PRDM16: variants seen among roughly 807,000 people sequenced by gnomAD.
PRDM16 encodes histone-lysine N-methyltransferase PRDM16.
In PRDM16, 23 loss-of-function variants were observed where a neutral mutation model predicts 110.6. The observed-to-expected ratio is 0.21, with a 90% CI of 0.15 to 0.29. PRDM16 has a LOEUF of 0.29. Ranked by LOEUF, PRDM16 falls within the 10% of genes least tolerant of loss-of-function variation. PRDM16 has a pLI of 1.00. For synonymous variants in PRDM16, 799 were observed against 781.8 expected (o/e 1.02, Z -0.37); for missense variants, 1,615 against 1,794.3 (o/e 0.90, Z 1.81).
chr1:3,431,670 T>A (rs1044976947), intron 15 of PRDM16, among the ~76,000 whole-genome samples: 3 of 152,194 alleles, frequency 2.0e-5, no homozygotes, highest in African/African-American at 7.2e-5. Context: ...CCTGGGGTCT[T>A]AGAGAATTGA....
At chr1:3,406,568 A>C (rs1000498486) in intron 8 of PRDM16, among the ~76,000 whole-genome samples, 10 of 143,974 alleles carry the variant, frequency 6.9e-5, no homozygotes, top group Non-Finnish European at 1.1e-4. Flanking sequence ...CATTTCTACC[A>C]AAAAAAAAAA....
chr1:3,181,072 CCG>C (rs1644155428), intron 1 of PRDM16, among the ~76,000 whole-genome samples: 1 of 45,590 alleles, frequency 2.2e-5, no homozygotes, highest in African/African-American at 5.3e-5. Flanking sequence ...TCTTACACAC[CCG>C]GTCTTACACA....
chr1:3,087,793 T>C (rs2981881), intron 1 of PRDM16, among the ~76,000 whole-genome samples: 43,725 of 152,022 alleles, frequency 0.29, 6,572 homozygotes, highest in Middle Eastern at 0.35. Context: ...TCTTCTTTTT[T>C]TCACCACCTT....
At chr1:3,287,519 G>A (rs1161682313) in intron 3 of PRDM16, among the ~76,000 whole-genome samples, 7 of 68,592 alleles carry the variant, frequency 1.0e-4, no homozygotes, top group East Asian at 4.5e-4. Context: ...CGCCACGCGG[G>A]CATCCAGGAT....
chr1:3,214,515 G>A (rs1638975710), intron 2 of PRDM16, among the ~76,000 whole-genome samples: 3 of 152,150 alleles, frequency 2.0e-5, no homozygotes. Context: ...TGGCCAATGT[G>A]GCAAAACCCT....
chr1:3,362,610 G>A (rs1020557789), intron 3 of PRDM16, among the ~76,000 whole-genome samples: 10 of 152,172 alleles, frequency 6.6e-5, no homozygotes, highest in Non-Finnish European at 1.0e-4. Context: ...GAGGGCCTTC[G>A]GGTCACAGAT....
At chr1:3,333,952 A>G (rs1293441328) in intron 3 of PRDM16, among the ~76,000 whole-genome samples, 1 of 152,192 alleles carries the variant, frequency 6.6e-6, no homozygotes, top group African/African-American at 2.4e-5. Context: ...TGCTGGTGCC[A>G]TGCTTATACA....
intron 1 of PRDM16, among the ~76,000 whole-genome samples, chr1:3,093,559 T>A (rs1642325346): frequency 6.6e-6 from 1 of 152,114 alleles, no homozygotes; most frequent in Non-Finnish European, 1.5e-5. Flanking sequence ...CCCCGGCATC[T>A]CCACTGTGTG....
chr1:3,159,268 A>G (rs1643880938), intron 1 of PRDM16, among the ~76,000 whole-genome samples: 1 of 152,256 alleles, frequency 6.6e-6, no homozygotes, highest in Non-Finnish European at 1.5e-5. Flanking sequence ...CACTTGCAGA[A>G]GTACTGCTGC....
chr1:3,434,210 T>G lies in PRDM16; in HGVS notation c.*399T>G, dbSNP rs2100709034. ...GACTGGTGTGCTCAAAAGAGAGAGA[T>G]CACTCAAATGATTTTTATAATGAAA... On this transcript the variant is annotated 3_prime_UTR_variant, in exon 17 of 17. Transcript: ENST00000270722. 1 of 248,472 alleles carries G rather than the reference T, an allele frequency of 4.0e-6. No individual in the cohort carries two copies. Among genetic ancestry groups the G allele is most frequent in the East Asian group, 5.9e-5 (1 of 16,982 alleles). 15.4% of individuals were successfully genotyped at this position (248,472 alleles called of 1,614,324 possible).
In PRDM16 at chr1:3,364,451, A is replaced by G. The variant is rs1000933767; in HGVS notation, c.439-20701A>G. 2.0e-5 allele frequency among the ~76,000 whole-genome samples: 3 copies of G among 152,142 alleles called. No individual in the cohort carries two copies. In the East Asian group the frequency reaches 5.8e-4, roughly 29 times the overall value. The stretch of plus-strand genomic sequence containing the variant: ...CTCAGAGGTTAACACGGTGACACCC[A>G]CCCTATCTGGGGCACTTTCTGGACA... On this transcript the variant is annotated intron_variant, in intron 3 of 16. Coordinates refer to ENST00000270722, the MANE Select transcript of PRDM16 (RefSeq NM_022114.4).
intron 8 of PRDM16, among the ~76,000 whole-genome samples, chr1:3,407,269 G>A (rs559383349): frequency 1.6e-4 from 25 of 152,300 alleles, no homozygotes; most frequent in Admixed American, 1.3e-4. Flanking sequence ...AAGCCCCAGC[G>A]TCCAGCCGTC....
chr1:3,244,851 A>C lies in PRDM16; in HGVS notation c.438+714A>C, dbSNP rs1468090708. 6.6e-6 allele frequency among the ~76,000 whole-genome samples: 1 copy of C among 152,198 alleles called. No homozygotes were observed. Among genetic ancestry groups the C allele is most frequent in the Non-Finnish European group, 1.5e-5 (1 of 68,034 alleles). On this transcript the variant is annotated intron_variant, in intron 3 of 16. Transcript: ENST00000270722. This position sits in a 1 kb window ranked among gnomAD's most constrained non-coding sequence, Gnocchi z 4.1. ...AACCTAGAACCTGTTCAGCAGCCAG[A>C]ACTCCTCTTCGACGGGATATGCATT...
intron 3 of PRDM16, among the ~76,000 whole-genome samples, chr1:3,302,697 G>A (rs560852304): frequency 6.6e-6 from 1 of 152,304 alleles, no homozygotes; most frequent in South Asian, 2.1e-4. Context: ...CTTTAGCACT[G>A]TGCGTGGGGC....
intron 1 of PRDM16, among the ~76,000 whole-genome samples, chr1:3,115,891 T>C (rs571005024): frequency 8.9e-4 from 136 of 152,294 alleles, no homozygotes; most frequent in African/African-American, 3.1e-3. Flanking sequence ...GTCTCGGGTG[T>C]CAGGAGGCCA....
intron 2 of PRDM16, among the ~76,000 whole-genome samples, chr1:3,204,898 G>C (rs761118004): frequency 3.5e-4 from 54 of 152,268 alleles, no homozygotes; most frequent in South Asian, 1.2e-3. Context: ...ACCCCCGTTG[G>C]GGGGGGCCCT....
chr1:3,292,544 A>G (rs1450889699), intron 3 of PRDM16, among the ~76,000 whole-genome samples: 1 of 152,122 alleles, frequency 6.6e-6, no homozygotes, highest in Non-Finnish European at 1.5e-5. Flanking sequence ...CGGCACCGTG[A>G]CCTTCATTCT....
At position 3,112,312 on chromosome 1, in the gene PRDM16, A is replaced by T. The variant is rs145015227; in HGVS notation, c.37+43016A>T. ...GCTTTGTCCCCAAATTCCCACTTAT[A>T]CGAAATGATGAAATTTCAGGGCTGA... On this transcript the variant is annotated intron_variant, in intron 1 of 16. Transcript: ENST00000270722. 6.0e-3 allele frequency among the ~76,000 whole-genome samples: 917 copies of T among 152,300 alleles called. 4 individuals are homozygous for T. The highest frequency in any genetic ancestry group is 9.1e-3 in the Non-Finnish European group (618 of 68,012).
chr1:3,426,106 C>A lies in PRDM16; in HGVS notation c.3165C>A (p.Pro1055=). Residue 1055 remains proline, a synonymous_variant, in exon 14 of 17, where the codon CCC becomes CCA. Coordinates refer to ENST00000270722, the MANE Select transcript of PRDM16 (RefSeq NM_022114.4). ...ACCTGGGGACCAGCGCGTCCTCTCC[C>A]ACCTCAGAGTCGGACAACCACGCAC... ...TNHLGTSASS[P]TSESDNHALL... The A allele has an allele frequency of 6.2e-7, 1 of 1,613,982 alleles. No individual in the cohort carries two copies. The highest frequency in any genetic ancestry group is 8.5e-7 in the Non-Finnish European group (1 of 1,179,970).
Sources: allele counts gnomAD v4.1 joint callset (sites outside exome capture counted in the v4.1 genomes callset), GRCh38; gene constraint gnomAD v4.1.1; non-coding constraint Gnocchi (gnomAD v3.1); transcripts MANE v1.5; gene names NCBI Gene and HGNC (gene_info 2026-07-23, HGNC 2026-07-21).